Variants in DRGX observed in about 807,000 individuals in gnomAD.
DRGX encodes the protein dorsal root ganglia homeobox protein.
A neutral mutation model predicts 28.6 loss-of-function variants in DRGX; 21 were observed. That is an observed-to-expected ratio of 0.73 (90% CI 0.52 to 1.06). The LOEUF (loss-of-function observed/expected upper bound fraction) is 1.06, where lower values mean the gene tolerates loss of function less well. DRGX is among the 50% of genes least tolerant of loss of function. The pLI is 0.00. For missense variants in DRGX, 354 were observed against 343.9 expected (o/e 1.03, Z -0.23); for synonymous variants, 136 against 139.1 (o/e 0.98, Z 0.16).
chr10:49,377,910 GA>G (rs543329735), intron 6 of DRGX, among the ~76,000 whole-genome samples: 367 of 152,146 alleles, frequency 2.4e-3, no homozygotes, highest in African/African-American at 8.2e-3. Context: ...GAGATTATAA[GA>G]AAAAAACCAC....
intron 6 of DRGX, among the ~76,000 whole-genome samples, chr10:49,375,565 C>T (rs568327888): frequency 6.6e-5 from 10 of 152,134 alleles, no homozygotes; most frequent in South Asian, 2.1e-4. Flanking sequence ...AAATCCCACC[C>T]GTCCCTTAAT....
intron 6 of DRGX, among the ~76,000 whole-genome samples, chr10:49,371,233 A>G (rs1302956696): frequency 1.3e-5 from 2 of 152,228 alleles, no homozygotes; most frequent in African/African-American, 4.8e-5. Flanking sequence ...GACCCTGAAC[A>G]CTGCTGAGAA....
intron 6 of DRGX, among the ~76,000 whole-genome samples, chr10:49,380,107 C>T (rs1020368448): frequency 6.6e-6 from 1 of 152,246 alleles, no homozygotes; most frequent in Non-Finnish European, 1.5e-5. Flanking sequence ...ACCCCTCCCA[C>T]CTGGGAAGGT....
intron 2 of DRGX, among the ~76,000 whole-genome samples, chr10:49,393,239 C>T (rs1778504521): frequency 6.6e-6 from 1 of 152,102 alleles, no homozygotes; most frequent in Admixed American, 6.5e-5. Flanking sequence ...TTGGCATGAA[C>T]AAATCTCCAA....
chr10:49,366,247 G>A lies in DRGX; in HGVS notation c.661C>T (p.Leu221=). The change falls in exon 7 of 7, where the codon CTG becomes TTG. Residue 221 remains leucine, a synonymous_variant. Coordinates refer to ENST00000374139, the MANE Select transcript of DRGX (RefSeq NM_001276451.2). The part of the protein sequence containing the change: ...MKAREHSEAV[L]QSANLLPSTS... ...GAAGGCAGGAGGTTGGCTGACTGCA[G>A]GACAGCTTCTGAGTGCTCGCGGGCC... 2 of 1,613,970 alleles carry A rather than the reference G, an allele frequency of 1.2e-6. No individual in the cohort carries two copies. Among genetic ancestry groups the A allele is most frequent in the East Asian group, 2.2e-5 (1 of 44,882 alleles).
chr10:49,365,179 C>A lies in DRGX; in HGVS notation c.*937G>T, dbSNP rs1590358342. 6.6e-6 allele frequency: 1 copy of A among 152,296 alleles called. No homozygotes were observed. The highest frequency in any genetic ancestry group is 2.1e-4 in the South Asian group (1 of 4,836). The allele number at this position is 152,296 out of a possible 1,614,324, so 9.4% of individuals were successfully genotyped here. ...AAAACCACCACCACTGAAGAGCCCC[C>A]TCTACGTGCCAGGCATGTGGGGAAA... On this transcript the variant is annotated 3_prime_UTR_variant, in exon 7 of 7. Transcript: ENST00000374139.
chr10:49,392,050 G>T (rs1849912463), intron 2 of DRGX, among the ~76,000 whole-genome samples: 1 of 152,172 alleles, frequency 6.6e-6, no homozygotes, highest in African/African-American at 2.4e-5. Flanking sequence ...AGGCTTCCAA[G>T]CTCGTTATAA....
chr10:49,390,296 C>T, intron 3 of DRGX, 62 bp from the exon 4 acceptor site: 1 of 1,411,244 alleles, frequency 7.1e-7, no homozygotes. Flanking sequence ...GAAGCAGATG[C>T]ATATTTCAAA....
intron 2 of DRGX, among the ~76,000 whole-genome samples, chr10:49,393,374 G>T (rs1849930958): frequency 6.6e-6 from 1 of 152,050 alleles, no homozygotes. Flanking sequence ...TTTCTTGAAG[G>T]AATCACAAAA....
intron 6 of DRGX, among the ~76,000 whole-genome samples, chr10:49,381,393 C>G (rs1849774511): frequency 6.6e-6 from 1 of 152,356 alleles, no homozygotes; most frequent in East Asian, 1.9e-4. Flanking sequence ...AACCTCCAAC[C>G]CTTGCCCGGC....
Position 49,386,714 on chromosome 10 carries a change from G to T in DRGX, c.379C>A (p.Arg127=), listed in dbSNP as rs376423419. The T allele has an allele frequency of 6.3e-7, 1 of 1,593,920 alleles. No homozygotes were observed. The highest frequency in any genetic ancestry group is 8.5e-7 in the Non-Finnish European group (1 of 1,171,078). The change falls in exon 5 of 7, where the codon CGG becomes AGG. Residue 127 remains arginine, a synonymous_variant. Transcript: ENST00000374139. ...INSPPPGDQA[R]SKKEALEAQQ... Reference sequence around the variant, plus strand: ...GCCTCCAGCGCCTCCTTCTTACTCCGGGCTTGGTCCCCAGGGGGCGGGGAG... The same window carrying T: ...GCCTCCAGCGCCTCCTTCTTACTCCTGGCTTGGTCCCCAGGGGGCGGGGAG...
rs1156667287 is a variant in DRGX, at chr10:49,386,511, C to T, written c.493G>A (p.Ala165Thr). 7 of 1,585,466 alleles carry T rather than the reference C, an allele frequency of 4.4e-6. No homozygotes were observed. The South Asian group carries it at 6.9e-5, about 16-fold the overall frequency. ...PGTLLNTATY[A>T]QALSHVASLK... Reference sequence around the variant, plus strand: ...GAAGCCACATGGGACAAGGCCTGGGCGTAGGTGGCCGTGTTCAGGAGAGTC... The same window carrying T: ...GAAGCCACATGGGACAAGGCCTGGGTGTAGGTGGCCGTGTTCAGGAGAGTC... The change falls in exon 6 of 7, where the codon GCC (alanine) becomes ACC (threonine). Residue 165 changes from alanine (A) to threonine (T), a missense_variant. Physicochemically the swap from Ala to Thr is moderately conservative, Grantham distance 58. Coordinates refer to ENST00000374139, the MANE Select transcript of DRGX (RefSeq NM_001276451.2).
At chr10:49,366,789 G>A (rs1057035415) in intron 6 of DRGX, among the ~76,000 whole-genome samples, 2 of 152,188 alleles carry the variant, frequency 1.3e-5, no homozygotes, top group Non-Finnish European at 2.9e-5. Context: ...GGGGCACTGC[G>A]GGGATACCTT....
At chr10:49,368,989 A>C (rs948290311) in intron 6 of DRGX, among the ~76,000 whole-genome samples, 12 of 152,164 alleles carry the variant, frequency 7.9e-5, no homozygotes, top group Non-Finnish European at 1.3e-4. Flanking sequence ...GATGAGAAAG[A>C]TGGGCTCAAT....
chr10:49,395,157 C>A (rs1187740616), intron 2 of DRGX, among the ~76,000 whole-genome samples: 2 of 152,206 alleles, frequency 1.3e-5, no homozygotes, highest in Admixed American at 6.5e-5. Context: ...CCGGTCCCCG[C>A]GGCACGCCTA....
intron 6 of DRGX, among the ~76,000 whole-genome samples, chr10:49,383,706 G>A (rs769720566): frequency 6.6e-6 from 1 of 152,164 alleles, no homozygotes; most frequent in Non-Finnish European, 1.5e-5. Flanking sequence ...AATGGGACTC[G>A]TGCCCTCTTA....
intron 6 of DRGX, among the ~76,000 whole-genome samples, chr10:49,385,411 G>T (rs1488444671): frequency 6.6e-6 from 1 of 152,018 alleles, no homozygotes; most frequent in Non-Finnish European, 1.5e-5. Context: ...CTATCTCTGG[G>T]CACTCTCCCA....
chr10:49,392,649 G>A (rs1057356119), intron 2 of DRGX, among the ~76,000 whole-genome samples: 1 of 152,184 alleles, frequency 6.6e-6, no homozygotes, highest in African/African-American at 2.4e-5. Flanking sequence ...TGGTCCCAAA[G>A]TGGCTCACAA....
chr10:49,385,599 G>A (rs1849823662), intron 6 of DRGX, among the ~76,000 whole-genome samples: 1 of 152,104 alleles, frequency 6.6e-6, no homozygotes, highest in Admixed American at 6.5e-5. Flanking sequence ...GTATGTGTGT[G>A]TCCCACCTGC....
Sources: gnomAD v4.1 joint callset for allele counts (sites outside exome capture counted in the v4.1 genomes callset) on GRCh38, gnomAD v4.1.1 for gene constraint, MANE v1.5 for transcripts, NCBI Gene and HGNC (gene_info 2026-07-23, HGNC 2026-07-21) for gene names.